The following DIAPH2 variants were observed in gnomAD, a reference collection of about 807,000 sequenced individuals.
The protein encoded by DIAPH2 is protein diaphanous homolog 2.
In DIAPH2, 35 loss-of-function variants were observed where a neutral mutation model predicts 92.7. The observed-to-expected ratio is 0.38, with a 90% CI of 0.29 to 0.50. The LOEUF (loss-of-function observed/expected upper bound fraction) is 0.50. Among genes scored for constraint, DIAPH2 ranks in the 20% least tolerant of loss-of-function variants. DIAPH2 has a pLI of 0.94. For missense variants in DIAPH2, 701 were observed against 819.5 expected, an observed-to-expected ratio of 0.86 and a Z score of 1.77; for synonymous variants, 301 against 280.4, an observed-to-expected ratio of 1.07 and a Z score of -0.73.
chrX:96,810,890 G>A (rs1393030253), intron 4 of DIAPH2, among the ~76,000 whole-genome samples: 1 of 111,564 alleles, frequency 9.0e-6, no homozygotes, highest in Non-Finnish European at 1.9e-5. Flanking sequence ...CTCTGTTTTG[G>A]TACCAGTACC....
At chrX:96,925,772 T>C (rs771220879) in intron 9 of DIAPH2, among the ~76,000 whole-genome samples, 1 of 111,885 alleles carries the variant, frequency 8.9e-6, no homozygotes, top group South Asian at 3.7e-4. Flanking sequence ...TTTCGCCTCA[T>C]ATTCCACCAC....
At chrX:97,008,297 T>G (rs151194466) in intron 17 of DIAPH2, among the ~76,000 whole-genome samples, 4,309 of 109,817 alleles carry the variant, frequency 0.039, 103 homozygotes, top group Middle Eastern at 0.087. Flanking sequence ...TAAATTTTTC[T>G]GCTGGGATTC....
chrX:97,374,503 A>G (rs147115872), intron 24 of DIAPH2, among the ~76,000 whole-genome samples: 1,894 of 112,057 alleles, frequency 0.017, 47 homozygotes, highest in African/African-American at 0.059. Context: ...TGGTTGATGA[A>G]GTATTTATAA....
intron 26 of DIAPH2, among the ~76,000 whole-genome samples, chrX:97,540,842 A>G (rs747372277): frequency 4.9e-4 from 55 of 112,295 alleles, no homozygotes; most frequent in Non-Finnish European, 8.7e-4. Context: ...CTAGAAATGA[A>G]GATGCATGAC....
intron 22 of DIAPH2, among the ~76,000 whole-genome samples, chrX:97,189,619 C>T (rs1376649999): frequency 9.1e-6 from 1 of 110,389 alleles, no homozygotes; most frequent in African/African-American, 3.3e-5. Flanking sequence ...ATCCCTATGT[C>T]CAATATTATA....
chrX:97,586,709 T>C (rs2071481618), intron 26 of DIAPH2, among the ~76,000 whole-genome samples: 1 of 112,102 alleles, frequency 8.9e-6, no homozygotes, highest in Non-Finnish European at 1.9e-5. Context: ...TCTACAACAA[T>C]ATTGCCTTCT....
chrX:97,354,862 G>A (rs1027040369), intron 24 of DIAPH2, among the ~76,000 whole-genome samples: 2 of 112,330 alleles, frequency 1.8e-5, no homozygotes, highest in Admixed American at 9.4e-5. Flanking sequence ...GTTCCTAAGA[G>A]GAACTGTGTC....
At chrX:97,207,179 G>A (rs2067804042) in intron 22 of DIAPH2, among the ~76,000 whole-genome samples, 2 of 111,483 alleles carry the variant, frequency 1.8e-5, no homozygotes, top group African/African-American at 6.5e-5. Flanking sequence ...CTAGGTATTT[G>A]CATGTTTTGT....
chrX:97,538,952 A>T (rs1420298614), intron 26 of DIAPH2, among the ~76,000 whole-genome samples: 2 of 112,309 alleles, frequency 1.8e-5, no homozygotes, highest in Non-Finnish European at 3.8e-5. Context: ...AACTATATTT[A>T]ATCAGTCTGT....
chrX:96,837,188 A>G (rs1048387513), intron 4 of DIAPH2, among the ~76,000 whole-genome samples: 3 of 111,104 alleles, frequency 2.7e-5, no homozygotes, highest in South Asian at 3.8e-4. Context: ...AAATCATTTA[A>G]TTATTAGGTA....
At chrX:97,424,862 T>C (rs1182043604) in intron 25 of DIAPH2, among the ~76,000 whole-genome samples, 1 of 111,513 alleles carries the variant, frequency 9.0e-6, no homozygotes, top group Admixed American at 9.5e-5. Flanking sequence ...TGAGCTCAAG[T>C]GATCCTCCCA....
intron 4 of DIAPH2, among the ~76,000 whole-genome samples, chrX:96,759,324 G>C (rs1262781149): frequency 9.0e-6 from 1 of 111,589 alleles, no homozygotes; most frequent in Non-Finnish European, 1.9e-5. Flanking sequence ...TATTGTACTT[G>C]AAACAAGCTA....
chrX:97,584,387 T>G (rs974784182), intron 26 of DIAPH2, among the ~76,000 whole-genome samples: 3 of 112,273 alleles, frequency 2.7e-5, no homozygotes, highest in Non-Finnish European at 3.8e-5. Context: ...TATTGTTGCT[T>G]AAATATAAAA....
At chrX:96,725,768 T>C (rs919250446) in intron 1 of DIAPH2, among the ~76,000 whole-genome samples, 3 of 112,489 alleles carry the variant, frequency 2.7e-5, no homozygotes, top group African/African-American at 9.7e-5. Context: ...ATGACTTTTA[T>C]GTATTTTTTC....
chrX:97,055,591 T>A (rs1437450491), intron 17 of DIAPH2, among the ~76,000 whole-genome samples: 1 of 110,969 alleles, frequency 9.0e-6, no homozygotes, highest in African/African-American at 3.3e-5. Context: ...GGGCTGAAGA[T>A]ACAGATGCAA....
chrX:97,583,040 C>G (rs1312559767), intron 26 of DIAPH2, among the ~76,000 whole-genome samples: 10 of 111,796 alleles, frequency 8.9e-5, no homozygotes, highest in African/African-American at 3.3e-4. Context: ...CCTTTAAGCA[C>G]TTCTCTGTAT....
At chrX:97,094,744 C>T (rs748272579) in intron 19 of DIAPH2, among the ~76,000 whole-genome samples, 1 of 112,271 alleles carries the variant, frequency 8.9e-6, no homozygotes, top group African/African-American at 3.2e-5. Context: ...TAAACAAGAA[C>T]ATACACAGCC....
chrX:97,008,166 A>G (rs957521123), intron 17 of DIAPH2, among the ~76,000 whole-genome samples: 1 of 105,443 alleles, frequency 9.5e-6, no homozygotes, highest in African/African-American at 3.5e-5. Flanking sequence ...AAGCTTACTA[A>G]TTGTTTCTTC....
rs1207923062 is a variant in DIAPH2, at chrX:96,918,532, TAAC to T, written c.898_900del (p.Thr300del). The T allele has an allele frequency of 8.3e-7, 1 of 1,202,181 alleles. No individual in the cohort carries two copies. Among genetic ancestry groups the T allele is most frequent in the African/African-American group, 1.8e-5 (1 of 56,845 alleles). On this transcript the variant is annotated inframe_deletion, in exon 9 of 27. Coordinates refer to ENST00000324765, the MANE Select transcript of DIAPH2 (RefSeq NM_006729.5). ...AGTCTAGATAAACTTTTAGGGGCTA[TAAC>T]AACAGCAGCAGAAAGAAATAACAGG...
Sources: gnomAD v4.1 joint callset for allele counts (sites outside exome capture counted in the v4.1 genomes callset) on GRCh38, gnomAD v4.1.1 for gene constraint, MANE v1.5 for transcripts, NCBI Gene and HGNC (gene_info 2026-07-23, HGNC 2026-07-21) for gene names.